Variants in ATP2B4 observed in about 807,000 individuals in gnomAD.
ATP2B4 encodes ATPase plasma membrane Ca2+ transporting 4, also known as plasma membrane calcium-transporting ATPase 4.
Under a neutral mutation model 110.3 loss-of-function variants are expected in ATP2B4, and 39 were observed. The observed-to-expected ratio is 0.35, with a 90% confidence interval of 0.27 to 0.46. The LOEUF (loss-of-function observed/expected upper bound fraction) is 0.46. Among genes scored for constraint, ATP2B4 ranks in the 20% least tolerant of loss-of-function variants. ATP2B4 has a pLI of 1.00. For missense variants in ATP2B4, 1,135 were observed against 1,530.9 expected (o/e 0.74, Z 4.32); for synonymous variants, 538 against 571.7 (o/e 0.94, Z 0.84).
rs555452422 is a variant in ATP2B4, at chr1:203,678,985, T to A, written c.-464-3757T>A. Among the ~76,000 whole-genome samples the A allele has an allele frequency of 2.6e-5, 4 of 152,276 alleles. No individual in the cohort carries two copies. In the East Asian group the frequency reaches 7.7e-4, roughly 29 times the overall value. On this transcript the variant is annotated intron_variant, in intron 1 of 20. Transcript: ENST00000357681. ...AATTTAGGAGGAAAAAAGTAAAATG[T>A]CTTAATGATCATGTAAAGCATTATG... is the stretch of plus-strand genomic sequence containing the variant.
intron 20 of ATP2B4, among the ~76,000 whole-genome samples, chr1:203,733,817 C>T (rs915758685): frequency 6.6e-6 from 1 of 152,082 alleles, no homozygotes; most frequent in African/African-American, 2.4e-5. Flanking sequence ...GAGGTTAGGC[C>T]AGAGGAAAAC....
At chr1:203,680,015 C>T (rs776717542) in intron 1 of ATP2B4, among the ~76,000 whole-genome samples, 17 of 147,264 alleles carry the variant, frequency 1.2e-4, no homozygotes, top group Non-Finnish European at 1.9e-4. Flanking sequence ...GAGCCAAGAT[C>T]GCACGACTGC....
chr1:203,669,540 G>A lies in ATP2B4; in HGVS notation c.-464-13202G>A, dbSNP rs146155182. Reference sequence around the variant, plus strand: ...CAACCTCTGCCTCTCAGGTTCAAGCGATTCTCCTACCTCAGCCTCCCGTGT... The same window carrying A: ...CAACCTCTGCCTCTCAGGTTCAAGCAATTCTCCTACCTCAGCCTCCCGTGT... On this transcript the variant is annotated intron_variant, in intron 1 of 20. Coordinates refer to ENST00000357681, the MANE Select transcript of ATP2B4 (RefSeq NM_001684.5). 2.1e-3 allele frequency among the ~76,000 whole-genome samples: 319 copies of A among 152,206 alleles called. 1 individual carries two copies. The highest frequency in any genetic ancestry group is 7.4e-3 in the African/African-American group (306 of 41,530).
chr1:203,706,286 TTACTC>T (rs529665731), intron 8 of ATP2B4, among the ~76,000 whole-genome samples: 65 of 152,304 alleles, frequency 4.3e-4, no homozygotes, highest in African/African-American at 1.5e-3. Flanking sequence ...GATGGTTTGG[TTACTC>T]TACCAATGGG....
chr1:203,709,231 C>A, intron 10 of ATP2B4, 70 bp from the exon 11 acceptor site: 2 of 1,584,410 alleles, frequency 1.3e-6, no homozygotes, highest in African/African-American at 1.3e-5. Context: ...TAAATGAGTT[C>A]TTTCTCCCTA....
At chr1:203,660,990 G>C (rs1018383931) in intron 1 of ATP2B4, among the ~76,000 whole-genome samples, 6 of 148,266 alleles carry the variant, frequency 4.0e-5, no homozygotes, top group Non-Finnish European at 8.9e-5. Flanking sequence ...TGGCCCTCTA[G>C]TTCCAGCTAT....
At position 203,627,072 on chromosome 1, in the gene ATP2B4, CAG is replaced by C. The variant is rs1663111582; in HGVS notation, c.-610_-609del. 1 of 152,332 alleles carries C rather than the reference CAG, an allele frequency of 6.6e-6. No individual in the cohort carries two copies. The highest frequency in any genetic ancestry group is 1.5e-5 in the Non-Finnish European group (1 of 68,122). 9.4% of individuals were successfully genotyped at this position (152,332 alleles called of 1,614,324 possible). On this transcript the variant is annotated 5_prime_UTR_variant, in exon 1 of 21. Transcript: ENST00000357681. ...ACCCAGCCCACTCCCCGGCCTTAGC[CAG>C]AAAGGCAAGAGAGCAAAGCCAGCGT...
chr1:203,736,551 C>T (rs993224041), intron 20 of ATP2B4, among the ~76,000 whole-genome samples: 2 of 152,062 alleles, frequency 1.3e-5, no homozygotes, highest in African/African-American at 2.4e-5. Flanking sequence ...AGAGAGTAGC[C>T]CTCAGCACTC....
intron 17 of ATP2B4, among the ~76,000 whole-genome samples, chr1:203,722,113 C>T (rs546587808): frequency 3.0e-4 from 46 of 152,216 alleles, no homozygotes; most frequent in African/African-American, 1.0e-3. Context: ...ATGCAGCAAA[C>T]TGAGAGAGAA....
chr1:203,698,383 T>G, intron 3 of ATP2B4, 29 bp downstream of exon 3: 1 of 1,609,624 alleles, frequency 6.2e-7, no homozygotes, highest in South Asian at 1.1e-5. Flanking sequence ...TCAGCGTGAC[T>G]CTTATCTGGG....
At chr1:203,731,053 T>C (rs1339180850) in intron 20 of ATP2B4, among the ~76,000 whole-genome samples, 1 of 152,208 alleles carries the variant, frequency 6.6e-6, no homozygotes, top group African/African-American at 2.4e-5. Context: ...ACTAGAATTG[T>C]GGAGGTTGGG....
intron 20 of ATP2B4, 192 bp downstream of exon 20, chr1:203,727,763 G>A (rs1465799471): frequency 1.4e-5 from 9 of 647,632 alleles, no homozygotes; most frequent in African/African-American, 3.7e-5. Flanking sequence ...GAGAGGAGAG[G>A]AGTCAAATGA....
In ATP2B4 at chr1:203,710,937, T is replaced by C. The variant is rs750906503; in HGVS notation, c.1860T>C (p.Asp620=). 2 of 1,614,066 alleles carry C rather than the reference T, an allele frequency of 1.2e-6. No individual in the cohort carries two copies. Among genetic ancestry groups the C allele is most frequent in the Non-Finnish European group, 1.7e-6 (2 of 1,179,986 alleles). The change falls in exon 12 of 21, where the codon GAT becomes GAC. Residue 620 remains aspartate, a synonymous_variant. Coordinates refer to ENST00000357681, the MANE Select transcript of ATP2B4 (RefSeq NM_001684.5). ...EAVPFKNKDR[D]DMVRTVIEPM... Reference sequence around the variant, plus strand: ...TGCCATTCAAGAATAAAGACAGAGATGATATGGTACGCACTGTCATCGAGC... The same window carrying C: ...TGCCATTCAAGAATAAAGACAGAGACGATATGGTACGCACTGTCATCGAGC...
At chr1:203,730,861 G>C (rs562776823) in intron 20 of ATP2B4, among the ~76,000 whole-genome samples, 1 of 152,304 alleles carries the variant, frequency 6.6e-6, no homozygotes, top group East Asian at 1.9e-4. Context: ...GGATGCACCT[G>C]ACTCTGGAAG....
intron 1 of ATP2B4, among the ~76,000 whole-genome samples, chr1:203,655,204 T>C (rs1026521476): frequency 3.9e-5 from 6 of 152,226 alleles, no homozygotes; most frequent in African/African-American, 1.4e-4. Flanking sequence ...GAAGATGCTG[T>C]AAATACTGTT....
intron 1 of ATP2B4, among the ~76,000 whole-genome samples, chr1:203,669,497 C>T (rs539049985): frequency 6.6e-6 from 1 of 152,170 alleles, no homozygotes; most frequent in South Asian, 2.1e-4. Context: ...AGTGCGATGG[C>T]GTGATCTCGG....
In ATP2B4 at chr1:203,683,365, C is replaced by A; in HGVS notation, c.160C>A (p.Leu54Ile). 6.2e-7 allele frequency: 1 copy of A among 1,613,762 alleles called. No homozygotes were observed. The highest frequency in any genetic ancestry group is 1.7e-5 in the Admixed American group (1 of 59,998). ...INVHYGGVQN[L>I]CSRLKTSPVE... ...TGTCCACTATGGAGGTGTACAGAAT[C>A]TCTGCAGTAGACTGAAAACCTCCCC... Residue 54 changes from leucine to isoleucine, a missense_variant, in exon 2 of 21, where the codon CTC (leucine) becomes ATC (isoleucine). Leu to Ile is a conservative substitution (Grantham distance 5). Around this residue, in one of 9 missense-constraint regions of ATP2B4, gnomAD observed 122 missense variants for 125.2 expected, o/e 0.97. Coordinates refer to ENST00000357681, the MANE Select transcript of ATP2B4 (RefSeq NM_001684.5).
At chr1:203,708,216 C>G (rs2102396972) in intron 10 of ATP2B4, 112 bp downstream of exon 10, 3 of 1,446,790 alleles carry the variant, frequency 2.1e-6, no homozygotes, top group South Asian at 2.6e-5. Context: ...CATCCCACAT[C>G]CCATTTCTCA....
chr1:203,691,132 G>A (rs142543962), intron 2 of ATP2B4, among the ~76,000 whole-genome samples: 16 of 152,286 alleles, frequency 1.1e-4, no homozygotes, highest in African/African-American at 3.9e-4. Context: ...AGTAGCTAAG[G>A]CTTCCCCAAC....
Sources: allele counts gnomAD v4.1 joint callset (sites outside exome capture counted in the v4.1 genomes callset), GRCh38; gene constraint gnomAD v4.1.1; regional missense constraint gnomAD v4.1.1; transcripts MANE v1.5; gene names NCBI Gene and HGNC (gene_info 2026-07-23, HGNC 2026-07-21).